RAB11FIP4: variants seen among roughly 807,000 people sequenced by gnomAD.
RAB11FIP4 encodes the protein RAB11 family interacting protein 4.
Under a neutral mutation model 74.3 loss-of-function variants are expected in RAB11FIP4, and 23 were observed. That is an observed-to-expected ratio of 0.31 (90% CI 0.22 to 0.44). RAB11FIP4 has a LOEUF of 0.44. Among genes scored for constraint, RAB11FIP4 ranks in the 20% least tolerant of loss-of-function variants. The pLI, the probability that RAB11FIP4 is intolerant of heterozygous loss-of-function variation, is 1.00. For missense variants in RAB11FIP4, 630 were observed against 863.9 expected (o/e 0.73, Z 3.39); for synonymous variants, 360 against 359.9 (o/e 1.00, Z 0.00).
chr17:31,530,540 GC>G, intron 14 of RAB11FIP4, 71 bp downstream of exon 14: 1 of 1,570,418 alleles, frequency 6.4e-7, no homozygotes, highest in South Asian at 1.1e-5. Flanking sequence ...GCCCCCACCT[GC>G]CCAGAGTGAG....
chr17:31,437,319 T>C (rs2071368655), intron 3 of RAB11FIP4, among the ~76,000 whole-genome samples: 1 of 152,194 alleles, frequency 6.6e-6, no homozygotes, highest in Non-Finnish European at 1.5e-5. Context: ...ATGAGTCCTC[T>C]TCCTGGCTTA....
At chr17:31,517,104 C>T (rs2072565848) in intron 3 of RAB11FIP4, among the ~76,000 whole-genome samples, 1 of 148,750 alleles carries the variant, frequency 6.7e-6, no homozygotes, top group African/African-American at 2.5e-5. Flanking sequence ...TGTGACCAGC[C>T]TGATTGGTTG....
intron 1 of RAB11FIP4, among the ~76,000 whole-genome samples, chr17:31,419,614 G>A (rs1204519992): frequency 3.3e-5 from 5 of 150,174 alleles, no homozygotes; most frequent in South Asian, 2.1e-4. Flanking sequence ...GCAGTGGGGC[G>A]ATCTCGGCTC....
At chr17:31,459,837 G>GACACT (rs1252220499) in intron 3 of RAB11FIP4, among the ~76,000 whole-genome samples, 14 of 151,842 alleles carry the variant, frequency 9.2e-5, no homozygotes, top group Non-Finnish European at 1.8e-4. Context: ...GCCCCAGAGG[G>GACACT]GCTCCTCTGT....
chr17:31,430,997 G>T (rs187643645), intron 1 of RAB11FIP4, among the ~76,000 whole-genome samples: 13 of 152,256 alleles, frequency 8.5e-5, no homozygotes, highest in Admixed American at 8.5e-4. Flanking sequence ...GCCTGAGGTG[G>T]AATATGAGGC....
At chr17:31,424,631 A>G (rs2071230554) in intron 1 of RAB11FIP4, among the ~76,000 whole-genome samples, 1 of 145,764 alleles carries the variant, frequency 6.9e-6, no homozygotes. Context: ...CCTGGAGTAG[A>G]GTGGCACGAT....
intron 1 of RAB11FIP4, among the ~76,000 whole-genome samples, chr17:31,423,118 A>G (rs898570975): frequency 6.6e-6 from 1 of 151,936 alleles, no homozygotes; most frequent in African/African-American, 2.4e-5. Flanking sequence ...ACGGGGTTTC[A>G]CCATGTTAGC....
At chr17:31,516,617 G>C (rs1435393064) in intron 3 of RAB11FIP4, among the ~76,000 whole-genome samples, 3 of 152,204 alleles carry the variant, frequency 2.0e-5, no homozygotes, top group Admixed American at 2.0e-4. Flanking sequence ...CTACAGGCAT[G>C]CGCCACCTCG....
intron 3 of RAB11FIP4, among the ~76,000 whole-genome samples, chr17:31,489,429 C>G (rs11080158): frequency 0.2 from 30,365 of 152,016 alleles, 3,752 homozygotes; most frequent in African/African-American, 0.34. Flanking sequence ...TCACTCCCCC[C>G]CATATCCTCC....
At chr17:31,505,797 G>A (rs991159583) in intron 3 of RAB11FIP4, among the ~76,000 whole-genome samples, 2 of 142,824 alleles carry the variant, frequency 1.4e-5, no homozygotes, top group Non-Finnish European at 3.0e-5. Context: ...CCTCGAACTC[G>A]TGGCCTCAAG....
At chr17:31,531,209 G>C (rs1291915323) in intron 14 of RAB11FIP4, 1 of 177,550 alleles carries the variant, frequency 5.6e-6, no homozygotes, top group South Asian at 1.3e-4. Context: ...CCCTGGAGAA[G>C]AGCAGTGTGG....
intron 3 of RAB11FIP4, among the ~76,000 whole-genome samples, chr17:31,456,026 T>C (rs2142709722): frequency 6.6e-6 from 1 of 152,350 alleles, no homozygotes; most frequent in African/African-American, 2.4e-5. Context: ...CCTATTCCTT[T>C]AGATTTTCCA....
At position 31,434,030 on chromosome 17, in the gene RAB11FIP4, G is replaced by T. The variant is rs185724328; in HGVS notation, c.248-4G>T. 6 of 1,578,410 alleles carry T rather than the reference G, an allele frequency of 3.8e-6. No homozygotes were observed. In the African/African-American group the frequency reaches 6.7e-5, roughly 18 times the overall value. On this transcript the variant is annotated splice_polypyrimidine_tract_variant and splice_region_variant and intron_variant, in intron 2 of 14. Transcript: ENST00000621161. Reference sequence around the variant, plus strand: ...CTGTCCCGTGTGTCTGCCTGTCTGCGCAGGGTGCGAGGAGCTGCTGAAGGA... The same window carrying T: ...CTGTCCCGTGTGTCTGCCTGTCTGCTCAGGGTGCGAGGAGCTGCTGAAGGA...
In RAB11FIP4 at chr17:31,434,122, G is replaced by A; in HGVS notation, c.336G>A (p.Gln112=). 6.4e-7 allele frequency: 1 copy of A among 1,574,452 alleles called. No individual in the cohort carries two copies. Among genetic ancestry groups the A allele is most frequent in the Non-Finnish European group, 8.6e-7 (1 of 1,167,794 alleles). ...CAPEIPDCVE[Q]GSEVTGPTFA... ...CAGAGATCCCAGACTGCGTGGAGCA[G>A]GTAAGGCTTGGGGGGCCTCAAGGAC... The change falls in exon 3 of 15, where the codon CAG becomes CAA. Residue 112 remains glutamine, a splice_region_variant and synonymous_variant. Transcript: ENST00000621161.
intron 1 of RAB11FIP4, among the ~76,000 whole-genome samples, chr17:31,401,858 C>T (rs558595110): frequency 6.6e-6 from 1 of 152,220 alleles, no homozygotes; most frequent in Non-Finnish European, 1.5e-5. Flanking sequence ...AAGGCAAGCC[C>T]ATTCTCACCT....
chr17:31,522,090 C>T (rs746392574), intron 6 of RAB11FIP4, 41 bp downstream of exon 6: 4 of 1,612,158 alleles, frequency 2.5e-6, no homozygotes, highest in Admixed American at 3.3e-5. Flanking sequence ...GGCCGGGGGG[C>T]CAGGGCAGGG....
At chr17:31,414,139 C>T (rs1329062325) in intron 1 of RAB11FIP4, among the ~76,000 whole-genome samples, 1 of 152,222 alleles carries the variant, frequency 6.6e-6, no homozygotes, top group Non-Finnish European at 1.5e-5. Context: ...CACCACTGGT[C>T]ACACAGCTGG....
Position 31,536,043 on chromosome 17 carries a change from G to A in RAB11FIP4, c.*4311G>A, listed in dbSNP as rs1008069507. The A allele has an allele frequency of 1.2e-4, 18 of 151,772 alleles. No individual in the cohort carries two copies. The highest frequency in any genetic ancestry group is 2.9e-5 in the Non-Finnish European group (2 of 68,000). The allele number at this position is 151,772 out of a possible 1,614,324, so 9.4% of individuals were successfully genotyped here. On this transcript the variant is annotated 3_prime_UTR_variant, in exon 15 of 15. Transcript: ENST00000621161. The stretch of plus-strand genomic sequence containing the variant: ...TGCTGGTGTTCAGGGGAGTTGGGGG[G>A]GGGGGGCGCGGGGACAGAAGCGCGG...
In RAB11FIP4 at chr17:31,392,035, C is replaced by T. The variant is rs774997156; in HGVS notation, c.159+24C>T. ...AGGTAAGCTGGCCCGACCCCAGTCC[C>T]GGCCCGGGGACCCCAGCCCAGCCCC... On this transcript the variant is annotated intron_variant, in intron 1 of 14. Transcript: ENST00000621161. 6.4e-6 allele frequency: 8 copies of T among 1,257,258 alleles called. No homozygotes were observed. In the Admixed American group the frequency reaches 1.7e-4, roughly 27 times the overall value. 77.9% of individuals were successfully genotyped at this position (1,257,258 alleles called of 1,614,324 possible).
Sources: allele counts gnomAD v4.1 joint callset (sites outside exome capture counted in the v4.1 genomes callset), GRCh38; gene constraint gnomAD v4.1.1; transcripts MANE v1.5; gene names NCBI Gene and HGNC (gene_info 2026-07-23, HGNC 2026-07-21).